CDH20: variants seen among roughly 807,000 people sequenced by gnomAD.
The protein encoded by CDH20 is cadherin-20.
Under a neutral mutation model 74.2 loss-of-function variants are expected in CDH20, and 29 were observed. The observed-to-expected ratio is 0.39, with a 90% CI of 0.29 to 0.53. The LOEUF (loss-of-function observed/expected upper bound fraction) is 0.53. Ranked by LOEUF, CDH20 falls within the 20% of genes least tolerant of loss-of-function variation. CDH20 has a pLI of 0.69. For missense variants in CDH20, 988 were observed against 1,048.3 expected, an observed-to-expected ratio of 0.94 and a Z score of 0.79; for synonymous variants, 469 against 405.4, an observed-to-expected ratio of 1.16 and a Z score of -1.88.
intron 1 of CDH20, among the ~76,000 whole-genome samples, chr18:61,440,134 T>C (rs957582240): frequency 6.6e-6 from 1 of 152,342 alleles, no homozygotes; most frequent in African/African-American, 2.4e-5. Flanking sequence ...CCTTTGCCTA[T>C]GACTTTGCAG....
chr18:61,348,011 T>C (rs1316615878), intron 1 of CDH20, among the ~76,000 whole-genome samples: 1 of 152,210 alleles, frequency 6.6e-6, no homozygotes, highest in Non-Finnish European at 1.5e-5. Context: ...TATAGAACCT[T>C]ACCTTTGCAA....
At chr18:61,488,571 T>C (rs1020429714) in intron 1 of CDH20, among the ~76,000 whole-genome samples, 3 of 152,178 alleles carry the variant, frequency 2.0e-5, no homozygotes, top group African/African-American at 7.2e-5. Context: ...ACTAAATAAG[T>C]CAGAGGTAAT....
chr18:61,402,637 C>T, intron 1 of CDH20, among the ~76,000 whole-genome samples: 1 of 152,070 alleles, frequency 6.6e-6, no homozygotes, highest in East Asian at 1.9e-4. Context: ...AAATAGGATT[C>T]CAGGTACTAT....
intron 1 of CDH20, among the ~76,000 whole-genome samples, chr18:61,402,934 G>C (rs1046067307): frequency 1.3e-5 from 2 of 152,174 alleles, no homozygotes; most frequent in African/African-American, 4.8e-5. Flanking sequence ...GCAGCTTTCT[G>C]TATATTAAAG....
At chr18:61,513,305 G>C (rs1911854038) in intron 6 of CDH20, among the ~76,000 whole-genome samples, 2 of 125,120 alleles carry the variant, frequency 1.6e-5, no homozygotes, top group South Asian at 6.2e-4. Flanking sequence ...TGTTTTATCA[G>C]AGACTAGGAT....
intron 1 of CDH20, among the ~76,000 whole-genome samples, chr18:61,345,837 T>A (rs899005765): frequency 6.6e-6 from 1 of 152,024 alleles, no homozygotes; most frequent in African/African-American, 2.4e-5. Flanking sequence ...GAATGTAAGA[T>A]CTGAGAGGTT....
At chr18:61,504,005 G>A (rs868633328) in intron 5 of CDH20, among the ~76,000 whole-genome samples, 4 of 143,836 alleles carry the variant, frequency 2.8e-5, no homozygotes, top group African/African-American at 1.0e-4. Flanking sequence ...CCATCCTGGA[G>A]CTCATTTGAG....
At chr18:61,549,869 T>C (rs1238059535) in intron 10 of CDH20, 109 bp from the exon 11 acceptor site, 5 of 1,156,964 alleles carry the variant, frequency 4.3e-6, no homozygotes, top group Admixed American at 4.2e-5. Context: ...AGGGAATATC[T>C]GACTATCCTC....
chr18:61,495,106 C>T (rs2144306086), intron 2 of CDH20, among the ~76,000 whole-genome samples: 1 of 152,242 alleles, frequency 6.6e-6, no homozygotes, highest in Admixed American at 6.5e-5. Context: ...GGAAAAAAAA[C>T]ATTTTCCCAA....
chr18:61,506,775 T>C (rs749539636), intron 5 of CDH20, among the ~76,000 whole-genome samples: 2 of 152,140 alleles, frequency 1.3e-5, no homozygotes, highest in African/African-American at 2.4e-5. Flanking sequence ...GGTCTGTCCA[T>C]GGAGAGGCAG....
chr18:61,437,531 C>T (rs1908878588), intron 1 of CDH20, among the ~76,000 whole-genome samples: 1 of 152,112 alleles, frequency 6.6e-6, no homozygotes, highest in African/African-American at 2.4e-5. Flanking sequence ...ATTTGTTAAC[C>T]CCACTGGTGC....
At chr18:61,541,180 G>T (rs1412935292) in intron 9 of CDH20, among the ~76,000 whole-genome samples, 3 of 152,098 alleles carry the variant, frequency 2.0e-5, no homozygotes, top group African/African-American at 7.2e-5. Context: ...AGTGAACAAT[G>T]ATCGAGAGGG....
rs137948494 is a variant in CDH20 at position 61,400,475 on chromosome 18, T to C, written c.-153+66648T>C. The stretch of plus-strand genomic sequence containing the variant: ...CTTCTCTGGTAATATGTCACATAAC[T>C]GAGATTATGTGCAAGTGAAAATGAG... On this transcript the variant is annotated intron_variant, in intron 1 of 11. Coordinates refer to ENST00000262717, the MANE Select transcript of CDH20 (RefSeq NM_031891.4). Among the ~76,000 whole-genome samples, 24 of 152,252 alleles carry C rather than the reference T, an allele frequency of 1.6e-4. No individual in the cohort carries two copies. In the East Asian group the frequency reaches 4.6e-3, roughly 29 times the overall value.
intron 2 of CDH20, among the ~76,000 whole-genome samples, chr18:61,492,398 C>G (rs973424912): frequency 2.6e-5 from 4 of 152,160 alleles, no homozygotes; most frequent in African/African-American, 9.7e-5. Flanking sequence ...GCACCTCCCT[C>G]CCATCTGTTC....
rs557270568 is a variant in CDH20 at position 61,514,012 on chromosome 18, C to T, written c.1017+6452C>T. On this transcript the variant is annotated intron_variant, in intron 6 of 11. Transcript: ENST00000262717. ...CTCTTCTCAAGGAGTATCTTTGTGG[C>T]GTTCTCTGTATTTCCTGAATCTGAA... is the stretch of plus-strand genomic sequence containing the variant. Among the ~76,000 whole-genome samples, 10 of 152,006 alleles carry T rather than the reference C, an allele frequency of 6.6e-5. No individual in the cohort carries two copies. The South Asian group carries it at 1.0e-3, about 16-fold the overall frequency.
chr18:61,342,265 C>T (rs1232476746), intron 1 of CDH20, among the ~76,000 whole-genome samples: 1 of 151,998 alleles, frequency 6.6e-6, no homozygotes, highest in African/African-American at 2.4e-5. Context: ...AATAAATAAC[C>T]GCCATTTATT....
chr18:61,440,795 A>G (rs1371790757), intron 1 of CDH20, among the ~76,000 whole-genome samples: 1 of 152,092 alleles, frequency 6.6e-6, no homozygotes, highest in African/African-American at 2.4e-5. Context: ...AAGAGGGAAC[A>G]TGGGATGGGG....
chr18:61,488,662 C>A (rs79670423), intron 1 of CDH20, among the ~76,000 whole-genome samples: 1 of 152,190 alleles, frequency 6.6e-6, no homozygotes, highest in Non-Finnish European at 1.5e-5. Flanking sequence ...TTACAATATA[C>A]AGAATATTGC....
At chr18:61,449,866 T>A (rs1909323772) in intron 1 of CDH20, among the ~76,000 whole-genome samples, 1 of 151,978 alleles carries the variant, frequency 6.6e-6, no homozygotes, top group Non-Finnish European at 1.5e-5. Context: ...TTGCATTCAA[T>A]CTTTTATTAT....
Sources: allele counts gnomAD v4.1 joint callset (sites outside exome capture counted in the v4.1 genomes callset), GRCh38; gene constraint gnomAD v4.1.1; transcripts MANE v1.5; gene names NCBI Gene and HGNC (gene_info 2026-07-23, HGNC 2026-07-21).